PPARA: variants seen among roughly 807,000 people sequenced by gnomAD.
The protein encoded by PPARA is peroxisome proliferator activated receptor alpha.
In PPARA, 22 loss-of-function variants were observed where a neutral mutation model predicts 42.2. That is an observed-to-expected ratio of 0.52 (90% CI 0.37 to 0.74). PPARA has a LOEUF of 0.74. Among genes scored for constraint, PPARA ranks in the 30% least tolerant of loss-of-function variants. The probability of loss-of-function intolerance (pLI) is 0.00; values close to 1 mark genes in which losing one functional copy is unlikely to be tolerated. For synonymous variants in PPARA, 242 were observed against 239.3 expected (o/e 1.01, Z -0.10); for missense variants, 465 against 608.2 (o/e 0.76, Z 2.48).
Position 46,242,127 on chromosome 22 carries a change from G to A in PPARA, c.*6747G>A, listed in dbSNP as rs1264408060. The A allele has an allele frequency of 6.6e-6, 1 of 152,104 alleles. No homozygotes were observed. The highest frequency in any genetic ancestry group is 1.5e-5 in the Non-Finnish European group (1 of 68,034). The allele number at this position is 152,104 out of a possible 1,614,324, so 9.4% of individuals were successfully genotyped here. On this transcript the variant is annotated 3_prime_UTR_variant, in exon 9 of 9. Transcript: ENST00000407236. This position sits in a 1 kb window ranked among gnomAD's most constrained non-coding sequence, Gnocchi z 6.1. The stretch of plus-strand genomic sequence containing the variant: ...AGCATCCAAAATCCATTCATTTAAT[G>A]AATTGATAAAGTGCCGTGCAAACTG...
intron 7 of PPARA, among the ~76,000 whole-genome samples, chr22:46,228,450 C>A (rs1935625709): frequency 6.6e-6 from 1 of 152,078 alleles, no homozygotes; most frequent in African/African-American, 2.4e-5. Context: ...GCAGGAGAAT[C>A]ACTCAAACCT....
intron 4 of PPARA, among the ~76,000 whole-genome samples, chr22:46,207,680 T>TTA (rs1569228320): frequency 1.6e-3 from 155 of 95,560 alleles, no homozygotes; most frequent in South Asian, 4.2e-3. Flanking sequence ...TATTATTATT[T>TTA]TTTTTTTTTT....
At position 46,171,041 on chromosome 22, in the gene PPARA, A is replaced by C. The variant is rs1281517942; in HGVS notation, c.-126-5712A>C. Among the ~76,000 whole-genome samples, 1 of 152,002 alleles carries C rather than the reference A, an allele frequency of 6.6e-6. No individual in the cohort carries two copies. Among genetic ancestry groups the C allele is most frequent in the Non-Finnish European group, 1.5e-5 (1 of 67,990 alleles). On this transcript the variant is annotated intron_variant, in intron 2 of 8. Coordinates refer to ENST00000407236, the MANE Select transcript of PPARA (RefSeq NM_005036.6). The surrounding 1 kb of genome is among the most constrained non-coding windows in gnomAD (Gnocchi z 5.0). Reference sequence around the variant, plus strand: ...CCAGGCACAATGGCAGGTACCTGTAATCCCAGCTACTTGGGAGGCTGAGGC... The same window carrying C: ...CCAGGCACAATGGCAGGTACCTGTACTCCCAGCTACTTGGGAGGCTGAGGC...
chr22:46,207,668 ATTATTATTATTT>A (rs1933487957), intron 4 of PPARA, among the ~76,000 whole-genome samples: 2 of 79,768 alleles, frequency 2.5e-5, no homozygotes, highest in Non-Finnish European at 4.9e-5. Context: ...TATTATTATT[ATTATTATTATTT>A]TTTTTTTTTT....
chr22:46,153,879 TGA>T (rs1167799015), intron 2 of PPARA, among the ~76,000 whole-genome samples: 1 of 152,010 alleles, frequency 6.6e-6, no homozygotes, highest in African/African-American at 2.4e-5. Context: ...AAATTGTATA[TGA>T]GAGAGACAGA....
At chr22:46,169,256 T>C (rs1217287182) in intron 2 of PPARA, among the ~76,000 whole-genome samples, 1 of 141,942 alleles carries the variant, frequency 7.0e-6, no homozygotes, top group African/African-American at 3.1e-5. Context: ...AGATGTTTGT[T>C]TGTTGTTTGT....
Position 46,218,132 on chromosome 22 carries a change from G to T in PPARA, c.370-131G>T, listed in dbSNP as rs956413889. On this transcript the variant is annotated intron_variant, in intron 5 of 8. Transcript: ENST00000407236. ...AGGCATGATCACCATGCCTGGCCTGGAATAACTTTTCTCTAAATTTTGTTC... is the reference window on the plus strand; with the variant it reads ...AGGCATGATCACCATGCCTGGCCTGTAATAACTTTTCTCTAAATTTTGTTC... 4.0e-6 allele frequency: 5 copies of T among 1,263,284 alleles called. No individual in the cohort carries two copies. In the African/African-American group the frequency reaches 7.5e-5, roughly 19 times the overall value. The allele number at this position is 1,263,284 out of a possible 1,614,324, so 78.3% of individuals were successfully genotyped here.
chr22:46,168,318 C>G (rs1927404202), intron 2 of PPARA, among the ~76,000 whole-genome samples: 1 of 125,990 alleles, frequency 7.9e-6, no homozygotes, highest in Non-Finnish European at 1.6e-5. Context: ...TACCACTGCA[C>G]TCCAGCCTGG....
chr22:46,214,634 G>A (rs537634565), intron 4 of PPARA, among the ~76,000 whole-genome samples: 12 of 148,820 alleles, frequency 8.1e-5, no homozygotes, highest in African/African-American at 3.0e-4. Context: ...TGAGCTGATC[G>A]GAGATGCCCA....
chr22:46,229,662 A>G (rs1387387021), intron 7 of PPARA, among the ~76,000 whole-genome samples: 1 of 152,194 alleles, frequency 6.6e-6, no homozygotes, highest in Non-Finnish European at 1.5e-5. Context: ...TTAACAAACA[A>G]TGGTCAGAAC....
In PPARA at chr22:46,224,838, T is replaced by C. The variant is rs1056088904; in HGVS notation, c.711+4824T>C. ...ATAGATTTTAATTTCAAAGCAGCCCTCTGGTTTGCTATAAGCGGGGGACTG... is the reference window on the plus strand; with the variant it reads ...ATAGATTTTAATTTCAAAGCAGCCCCCTGGTTTGCTATAAGCGGGGGACTG... On this transcript the variant is annotated intron_variant, in intron 7 of 8. Coordinates refer to ENST00000407236, the MANE Select transcript of PPARA (RefSeq NM_005036.6). This position sits in a 1 kb window ranked among gnomAD's most constrained non-coding sequence, Gnocchi z 5.7. 2.0e-5 allele frequency among the ~76,000 whole-genome samples: 3 copies of C among 152,164 alleles called. No individual in the cohort carries two copies. The highest frequency in any genetic ancestry group is 2.9e-5 in the Non-Finnish European group (2 of 68,032).
intron 2 of PPARA, among the ~76,000 whole-genome samples, chr22:46,176,447 C>T (rs1297816126): frequency 6.6e-6 from 1 of 152,218 alleles, no homozygotes; most frequent in Non-Finnish European, 1.5e-5. Flanking sequence ...GATCATGCCA[C>T]TGCACTCCAG....
In PPARA at chr22:46,161,961, C is replaced by G. The variant is rs1926247582; in HGVS notation, c.-127+9991C>G. ...TGTCACCTGGGCCCTCCCGGAGGCC[C>G]TCGCCCTCAGTGTGTCTGATTCTGA... On this transcript the variant is annotated intron_variant, in intron 2 of 8. Transcript: ENST00000407236. This position sits in a 1 kb window ranked among gnomAD's most constrained non-coding sequence, Gnocchi z 4.8. 6.6e-6 allele frequency among the ~76,000 whole-genome samples: 1 copy of G among 152,170 alleles called. No individual in the cohort carries two copies. The highest frequency in any genetic ancestry group is 2.4e-5 in the African/African-American group (1 of 41,438).
At position 46,161,382 on chromosome 22, in the gene PPARA, A is replaced by G. The variant is rs559713693; in HGVS notation, c.-127+9412A>G. Among the ~76,000 whole-genome samples, 137 of 152,272 alleles carry G rather than the reference A, an allele frequency of 9.0e-4. No individual in the cohort carries two copies. The highest frequency in any genetic ancestry group is 3.2e-3 in the African/African-American group (132 of 41,566). On this transcript the variant is annotated intron_variant, in intron 2 of 8. Coordinates refer to ENST00000407236, the MANE Select transcript of PPARA (RefSeq NM_005036.6). This position sits in a 1 kb window ranked among gnomAD's most constrained non-coding sequence, Gnocchi z 4.8. ...TTCAGGTGAGTGGATCACGAGGTCA[A>G]GAGATCGAGACCAGCCTGGCCAACA...
chr22:46,177,051 A>G (rs1175484319), intron 3 of PPARA, among the ~76,000 whole-genome samples: 2 of 152,078 alleles, frequency 1.3e-5, no homozygotes, highest in Non-Finnish European at 2.9e-5. Context: ...TCTACTACAA[A>G]TACAAAAAAA....
At chr22:46,179,909 C>T (rs1444185911) in intron 3 of PPARA, among the ~76,000 whole-genome samples, 4 of 152,164 alleles carry the variant, frequency 2.6e-5, no homozygotes, top group African/African-American at 9.7e-5. Context: ...GAGATCTGAA[C>T]AAACACATTG....
chr22:46,175,496 G>A (rs191295609), intron 2 of PPARA, among the ~76,000 whole-genome samples: 1,863 of 151,682 alleles, frequency 0.012, 31 homozygotes, highest in African/African-American at 0.043. Context: ...GGCGGATCAC[G>A]AGGTCAGGAG....
intron 3 of PPARA, among the ~76,000 whole-genome samples, chr22:46,181,762 G>A (rs1167967810): frequency 6.6e-6 from 1 of 152,152 alleles, no homozygotes; most frequent in African/African-American, 2.4e-5. Flanking sequence ...ATTCCTGGAT[G>A]ATCACAGTCT....
chr22:46,164,189 CAA>C (rs1472088379), intron 2 of PPARA: 1 of 151,582 alleles, frequency 6.6e-6, no homozygotes, highest in African/African-American at 2.4e-5. Context: ...GCCTGGGTGA[CAA>C]GAGTGAGATT....
Sources: gnomAD v4.1 joint callset for allele counts (sites outside exome capture counted in the v4.1 genomes callset) on GRCh38, gnomAD v4.1.1 for gene constraint, Gnocchi (gnomAD v3.1) non-coding constraint, MANE v1.5 for transcripts, NCBI Gene and HGNC (gene_info 2026-07-23, HGNC 2026-07-21) for gene names.